Variants in GRM1 observed in about 807,000 individuals in gnomAD.
GRM1 encodes glutamate metabotropic receptor 1, also known as metabotropic glutamate receptor 1.
A neutral mutation model predicts 90.9 loss-of-function variants in GRM1; 33 were observed. The observed-to-expected ratio is 0.36, with a 90% CI of 0.28 to 0.49. GRM1 has a LOEUF of 0.49. GRM1 is among the 20% of genes least tolerant of loss of function. The pLI, the probability that GRM1 is intolerant of heterozygous loss-of-function variation, is 0.99. For missense variants in GRM1, 1,190 were observed against 1,534.3 expected (o/e 0.78, Z 3.75); for synonymous variants, 700 against 613.2 (o/e 1.14, Z -2.09).
intron 1 of GRM1, among the ~76,000 whole-genome samples, chr6:146,060,279 A>T (rs1267588914): frequency 6.6e-6 from 1 of 151,884 alleles, no homozygotes; most frequent in Non-Finnish European, 1.5e-5. Context: ...TCAGGTGTAC[A>T]TGTGTAGGTT....
At chr6:146,127,705 G>C (rs1489181224) in intron 1 of GRM1, among the ~76,000 whole-genome samples, 1 of 152,150 alleles carries the variant, frequency 6.6e-6, no homozygotes, top group Admixed American at 6.5e-5. Flanking sequence ...ACTCTTAGGA[G>C]CTGTGTAATC....
intron 2 of GRM1, among the ~76,000 whole-genome samples, chr6:146,195,291 A>T (rs1323784467): frequency 6.6e-6 from 1 of 152,350 alleles, no homozygotes; most frequent in East Asian, 1.9e-4. Flanking sequence ...CGAAGACGTA[A>T]TTGCAACCAT....
rs1249861697 is a variant in GRM1 at position 146,029,536 on chromosome 6, T to C, written c.19T>C (p.Phe7Leu). The C allele has an allele frequency of 1.2e-6, 2 of 1,613,030 alleles. No homozygotes were observed. Among genetic ancestry groups the C allele is most frequent in the South Asian group, 2.2e-5 (2 of 91,028 alleles). MVGLLLFFFPAIFLEVS... is the reference protein window; with the variant it reads MVGLLLLFFPAIFLEVS... ...CACCACCATGGTCGGGCTCCTTTTG[T>C]TTTTTTTCCCAGCGATCTTTTTGGA... The change falls in exon 1 of 8, where the codon TTT becomes CTT. Residue 7 changes from phenylalanine (F) to leucine (L), a missense_variant. By Grantham distance (22) the Phe-to-Leu change is conservative. Coordinates refer to ENST00000282753, the MANE Select transcript of GRM1 (RefSeq NM_001278064.2).
chr6:146,290,858 G>C (rs543234105), intron 2 of GRM1, among the ~76,000 whole-genome samples: 2 of 152,224 alleles, frequency 1.3e-5, no homozygotes, highest in South Asian at 4.1e-4. Context: ...TTTGGACTTT[G>C]AGTTGATGCT....
intron 1 of GRM1, among the ~76,000 whole-genome samples, chr6:146,059,297 C>T (rs555334853): frequency 7.9e-5 from 12 of 152,246 alleles, no homozygotes; most frequent in African/African-American, 2.4e-4. Context: ...TCTTCCTGTA[C>T]GTCTCCCTCA....
chr6:146,280,299 C>T (rs1782521153), intron 2 of GRM1, among the ~76,000 whole-genome samples: 2 of 152,198 alleles, frequency 1.3e-5, no homozygotes, highest in South Asian at 4.2e-4. Flanking sequence ...CCTGAGTTAT[C>T]CATTGTTCCA....
At chr6:146,324,383 C>A (rs893256724) in intron 3 of GRM1, among the ~76,000 whole-genome samples, 8 of 152,168 alleles carry the variant, frequency 5.3e-5, no homozygotes, top group African/African-American at 1.7e-4. Context: ...GCTTCAGCCC[C>A]CTTTCCAGGG....
intron 6 of GRM1, among the ~76,000 whole-genome samples, chr6:146,390,669 A>C (rs1160442964): frequency 6.6e-6 from 1 of 151,784 alleles, no homozygotes; most frequent in Admixed American, 6.6e-5. Context: ...GTAACCTCTT[A>C]CACTAGTATC....
rs183198438 is a variant in GRM1 at position 146,062,046 on chromosome 6, G to T, written c.700+31829G>T. On this transcript the variant is annotated intron_variant, in intron 1 of 7. Coordinates refer to ENST00000282753, the MANE Select transcript of GRM1 (RefSeq NM_001278064.2). ...TTTTACTATAAAGACACACACGCAC[G>T]TATGTTTATTGCAGCACTGTTCACA... 1.2e-4 allele frequency among the ~76,000 whole-genome samples: 18 copies of T among 152,188 alleles called. No individual in the cohort carries two copies. The East Asian group carries it at 3.5e-3, about 29-fold the overall frequency.
At chr6:146,390,036 A>G (rs1776659459) in intron 6 of GRM1, among the ~76,000 whole-genome samples, 1 of 152,108 alleles carries the variant, frequency 6.6e-6, no homozygotes, top group African/African-American at 2.4e-5. Context: ...CAGAAAAGTA[A>G]ACGCATTGCC....
chr6:146,346,309 C>G (rs1315608148), intron 3 of GRM1, among the ~76,000 whole-genome samples: 1 of 151,920 alleles, frequency 6.6e-6, no homozygotes, highest in African/African-American at 2.4e-5. Context: ...ACATGTAAAG[C>G]CCAGGTGGGG....
At chr6:146,174,080 A>G (rs1778245588) in intron 2 of GRM1, among the ~76,000 whole-genome samples, 1 of 152,064 alleles carries the variant, frequency 6.6e-6, no homozygotes, top group South Asian at 2.1e-4. Flanking sequence ...GATAAATTTT[A>G]TCTCTAAGAG....
At chr6:146,147,074 T>C (rs1285161199) in intron 1 of GRM1, among the ~76,000 whole-genome samples, 2 of 152,232 alleles carry the variant, frequency 1.3e-5, no homozygotes, top group African/African-American at 2.4e-5. Flanking sequence ...CAACTTCTGC[T>C]TAAATCTCAT....
At chr6:146,155,553 C>G (rs962187894) in intron 1 of GRM1, among the ~76,000 whole-genome samples, 1 of 152,100 alleles carries the variant, frequency 6.6e-6, no homozygotes, top group Non-Finnish European at 1.5e-5. Flanking sequence ...GGGGAATGAC[C>G]AGGATTTACT....
At chr6:146,261,776 G>A (rs1208456495) in intron 2 of GRM1, among the ~76,000 whole-genome samples, 2 of 151,942 alleles carry the variant, frequency 1.3e-5, no homozygotes, top group Admixed American at 1.3e-4. Flanking sequence ...TAGCATATGG[G>A]CTTGAGATGG....
At position 146,435,547 on chromosome 6, in the gene GRM1, C is replaced by A. The variant is rs1025879566; in HGVS notation, c.*751C>A. On this transcript the variant is annotated 3_prime_UTR_variant, in exon 8 of 8. Transcript: ENST00000282753. The stretch of plus-strand genomic sequence containing the variant: ...AACAGGAATAAGAGCAAAATTATCA[C>A]CAAAAAGTGCTTCATCAGGCGTGCT... The A allele has an allele frequency of 1.3e-5, 2 of 152,848 alleles. No homozygotes were observed. The highest frequency in any genetic ancestry group is 2.1e-4 in the South Asian group (1 of 4,824). The allele number at this position is 152,848 out of a possible 1,614,324, so 9.5% of individuals were successfully genotyped here.
At chr6:146,085,758 T>C (rs1056433844) in intron 1 of GRM1, among the ~76,000 whole-genome samples, 2 of 151,958 alleles carry the variant, frequency 1.3e-5, no homozygotes, top group Non-Finnish European at 2.9e-5. Flanking sequence ...ACCCTAAGAG[T>C]GTACTGGCAT....
chr6:146,137,050 G>A (rs924903235), intron 1 of GRM1, among the ~76,000 whole-genome samples: 4 of 151,662 alleles, frequency 2.6e-5, no homozygotes, highest in East Asian at 1.9e-4. Flanking sequence ...ACAGGGTTTC[G>A]CCATGTTGTC....
intron 2 of GRM1, among the ~76,000 whole-genome samples, chr6:146,264,890 T>C (rs1244140877): frequency 2.0e-5 from 3 of 152,236 alleles, no homozygotes; most frequent in Admixed American, 2.0e-4. Context: ...GGCTGCATAA[T>C]ATTCCATGGT....
Sources: allele counts gnomAD v4.1 joint callset (sites outside exome capture counted in the v4.1 genomes callset), GRCh38; gene constraint gnomAD v4.1.1; transcripts MANE v1.5; gene names NCBI Gene and HGNC (gene_info 2026-07-23, HGNC 2026-07-21).